Variants in MNAT1 observed in about 807,000 individuals in gnomAD.
The protein encoded by MNAT1 is MNAT1 component of CDK activating kinase.
MNAT1 carries 43 observed loss-of-function variants against 42.0 expected under a neutral mutation model. The ratio of observed to expected loss-of-function variants is 1.02; its 90% CI spans 0.80 to 1.32. The LOEUF is 1.32. Ranked by LOEUF, MNAT1 falls within the 40% of genes most tolerant of loss-of-function variation. The pLI, the probability that MNAT1 is intolerant of heterozygous loss-of-function variation, is 0.00. For synonymous variants in MNAT1, 118 were observed against 120.0 expected (o/e 0.98, Z 0.11); for missense variants, 306 against 350.4 (o/e 0.87, Z 1.01).
intron 6 of MNAT1, among the ~76,000 whole-genome samples, chr14:60,852,435 C>T (rs1247988575): frequency 6.6e-6 from 1 of 151,912 alleles, no homozygotes; most frequent in Non-Finnish European, 1.5e-5. Context: ...CTTATAGATT[C>T]TGGATATTAG....
At chr14:60,808,517 T>G in intron 4 of MNAT1, 89 bp downstream of exon 4, 1 of 777,416 alleles carries the variant, frequency 1.3e-6, no homozygotes, top group Middle Eastern at 3.9e-4. Flanking sequence ...TTTAAACCAG[T>G]TACATTTATA....
chr14:60,867,967 A>G (rs771369546), intron 6 of MNAT1, among the ~76,000 whole-genome samples: 2 of 152,160 alleles, frequency 1.3e-5, no homozygotes, highest in Non-Finnish European at 1.5e-5. Flanking sequence ...GCTACCAGGA[A>G]GTTATTACCA....
At chr14:60,746,915 TATATATATACACACACACACACACAC>T (rs1265130817) in intron 1 of MNAT1, among the ~76,000 whole-genome samples, 13 of 27,098 alleles carry the variant, frequency 4.8e-4, no homozygotes, top group African/African-American at 1.6e-3. Flanking sequence ...TATATATATA[TATATATATACACACACACACACACAC>T]ACACACACAC....
chr14:60,841,269 A>G (rs978953033), intron 6 of MNAT1, among the ~76,000 whole-genome samples: 5 of 150,710 alleles, frequency 3.3e-5, no homozygotes, highest in African/African-American at 7.3e-5. Flanking sequence ...TTTCTAGTCT[A>G]TATTTTATGT....
chr14:60,899,115 G>A (rs1467286372), intron 7 of MNAT1, among the ~76,000 whole-genome samples: 2 of 152,002 alleles, frequency 1.3e-5, no homozygotes, highest in Non-Finnish European at 2.9e-5. Flanking sequence ...CACTGATCTT[G>A]TAGAATGAAA....
chr14:60,891,538 C>A (rs543554019), intron 7 of MNAT1, among the ~76,000 whole-genome samples: 89 of 152,130 alleles, frequency 5.9e-4, no homozygotes, highest in Middle Eastern at 3.4e-3. Flanking sequence ...GCAACCTCCG[C>A]CTCCCATATT....
At chr14:60,877,035 G>A (rs1048088443) in intron 6 of MNAT1, among the ~76,000 whole-genome samples, 6 of 151,920 alleles carry the variant, frequency 3.9e-5, no homozygotes, top group South Asian at 2.1e-4. Context: ...CAGCTATACC[G>A]TTTTACATTC....
At chr14:60,911,633 G>C (rs769906334) in intron 7 of MNAT1, among the ~76,000 whole-genome samples, 25 of 152,304 alleles carry the variant, frequency 1.6e-4, no homozygotes, top group South Asian at 1.5e-3. Context: ...GAGTGGTTTT[G>C]AGTGAGTTTC....
chr14:60,876,795 G>T (rs931011823), intron 6 of MNAT1, among the ~76,000 whole-genome samples: 3 of 152,008 alleles, frequency 2.0e-5, no homozygotes, highest in Non-Finnish European at 2.9e-5. Context: ...GTATTTATGT[G>T]TATATACACA....
intron 3 of MNAT1, among the ~76,000 whole-genome samples, chr14:60,801,261 A>G (rs946890525): frequency 6.6e-6 from 1 of 152,096 alleles, no homozygotes; most frequent in Admixed American, 6.5e-5. Flanking sequence ...TGGGTAAAAC[A>G]TGAGGGATGA....
chr14:60,828,115 C>T (rs967387250), intron 6 of MNAT1, among the ~76,000 whole-genome samples: 2 of 152,034 alleles, frequency 1.3e-5, no homozygotes, highest in African/African-American at 2.4e-5. Flanking sequence ...TAAAACAGGT[C>T]GTCCTTATTA....
intron 7 of MNAT1, among the ~76,000 whole-genome samples, chr14:60,892,447 T>C (rs180734853): frequency 1.3e-5 from 2 of 152,276 alleles, no homozygotes; most frequent in East Asian, 3.9e-4. Context: ...AATAGCCTTT[T>C]TCATTCTTTT....
chr14:60,831,241 C>G (rs1005444467), intron 6 of MNAT1, among the ~76,000 whole-genome samples: 8 of 151,754 alleles, frequency 5.3e-5, no homozygotes. Context: ...AGGTTTGTTA[C>G]ATAGGTATAC....
chr14:60,738,116 A>C (rs1896361151), intron 1 of MNAT1, among the ~76,000 whole-genome samples: 1 of 150,364 alleles, frequency 6.7e-6, no homozygotes, highest in African/African-American at 2.4e-5. Flanking sequence ...CAATTATGTT[A>C]CCAACAACTG....
At chr14:60,962,775 T>G (rs2036618826) in intron 7 of MNAT1, among the ~76,000 whole-genome samples, 1 of 152,076 alleles carries the variant, frequency 6.6e-6, no homozygotes, top group Non-Finnish European at 1.5e-5. Context: ...CAAATATGAG[T>G]TTTGGTGTTT....
chr14:60,779,657 A>G (rs2031380426), intron 1 of MNAT1, among the ~76,000 whole-genome samples: 1 of 151,970 alleles, frequency 6.6e-6, no homozygotes, highest in Admixed American at 6.6e-5. Context: ...GTGGTGGTGC[A>G]CGCCTGTAAT....
chr14:60,845,272 T>C (rs1435746043), intron 6 of MNAT1, among the ~76,000 whole-genome samples: 1 of 152,014 alleles, frequency 6.6e-6, no homozygotes, highest in African/African-American at 2.4e-5. Flanking sequence ...ATATAGGTTT[T>C]TTATAAACTC....
chr14:60,967,257 C>A (rs923656998), intron 7 of MNAT1, among the ~76,000 whole-genome samples: 1 of 152,146 alleles, frequency 6.6e-6, no homozygotes, highest in Non-Finnish European at 1.5e-5. Context: ...GTTGCTCATG[C>A]ATTAAGATTT....
chr14:60,796,613 T>G (rs969356578), intron 2 of MNAT1, among the ~76,000 whole-genome samples: 1 of 152,212 alleles, frequency 6.6e-6, no homozygotes, highest in South Asian at 2.1e-4. Context: ...GTACCTACTA[T>G]GTATTGAGTA....
Sources: gnomAD v4.1 joint callset for allele counts (sites outside exome capture counted in the v4.1 genomes callset) on GRCh38, gnomAD v4.1.1 for gene constraint, MANE v1.5 for transcripts, NCBI Gene and HGNC (gene_info 2026-07-23, HGNC 2026-07-21) for gene names.